MARCHF11: variants seen among roughly 807,000 people sequenced by gnomAD.
MARCHF11 encodes membrane associated ring-CH-type finger 11.
A neutral mutation model predicts 37.3 loss-of-function variants in MARCHF11; 29 were observed. That is an observed-to-expected ratio of 0.78 (90% confidence interval 0.58 to 1.06). The LOEUF is 1.06. Ranked by LOEUF, MARCHF11 falls within the 50% of genes least tolerant of loss-of-function variation. The pLI is 0.00. For missense variants in MARCHF11, 482 were observed against 533.4 expected (o/e 0.90, Z 0.95); for synonymous variants, 233 against 228.0 (o/e 1.02, Z -0.20).
intron 2 of MARCHF11, among the ~76,000 whole-genome samples, chr5:16,176,087 G>A (rs1738348539): frequency 6.9e-6 from 1 of 143,968 alleles, no homozygotes; most frequent in Non-Finnish European, 1.5e-5. Flanking sequence ...ATTAAAATTA[G>A]TAAATAGTAT....
chr5:16,129,649 C>T (rs1043277253), intron 2 of MARCHF11, among the ~76,000 whole-genome samples: 2 of 152,098 alleles, frequency 1.3e-5, no homozygotes, highest in African/African-American at 4.8e-5. Context: ...TTTATTTCTA[C>T]ATTGAGTTTT....
intron 2 of MARCHF11, among the ~76,000 whole-genome samples, chr5:16,105,136 A>T (rs1196014800): frequency 6.6e-6 from 1 of 152,174 alleles, no homozygotes; most frequent in Non-Finnish European, 1.5e-5. Context: ...TGCCCCACCC[A>T]TCTCCCAGTT....
chr5:16,130,732 A>G (rs1382719877), intron 2 of MARCHF11, among the ~76,000 whole-genome samples: 1 of 152,208 alleles, frequency 6.6e-6, no homozygotes, highest in Non-Finnish European at 1.5e-5. Flanking sequence ...TTTTTGGGGT[A>G]GAAGACAAAT....
chr5:16,099,882 A>G (rs1049702752), intron 2 of MARCHF11, among the ~76,000 whole-genome samples: 7 of 152,192 alleles, frequency 4.6e-5, no homozygotes, highest in African/African-American at 1.7e-4. Flanking sequence ...ACAGAAAAGC[A>G]GAGAGGTGGG....
At chr5:16,068,647 T>G (rs1284431058) in intron 3 of MARCHF11, among the ~76,000 whole-genome samples, 1 of 152,210 alleles carries the variant, frequency 6.6e-6, no homozygotes. Context: ...CAGGATGCAC[T>G]AGCACATGTG....
At chr5:16,126,349 T>A (rs920756307) in intron 2 of MARCHF11, among the ~76,000 whole-genome samples, 6 of 152,218 alleles carry the variant, frequency 3.9e-5, no homozygotes, top group African/African-American at 9.6e-5. Context: ...ATGTATCATA[T>A]AAATGCCACT....
In MARCHF11 at chr5:16,168,498, G is replaced by A. The variant is rs190989049; in HGVS notation, c.693+9228C>T. 9.9e-5 allele frequency among the ~76,000 whole-genome samples: 15 copies of A among 152,266 alleles called. No individual in the cohort carries two copies. The East Asian group carries it at 2.7e-3, about 27-fold the overall frequency. ...AATTTAATAGAAGCGATGGTAGTAT[G>A]ACTGAGAGAGACCACTGTGAAAGCA... On this transcript the variant is annotated intron_variant, in intron 2 of 3. Coordinates refer to ENST00000332432, the MANE Select transcript of MARCHF11 (RefSeq NM_001102562.3).
chr5:16,080,686 T>A (rs1255479060), intron 3 of MARCHF11, among the ~76,000 whole-genome samples: 1 of 152,140 alleles, frequency 6.6e-6, no homozygotes, highest in African/African-American at 2.4e-5. Context: ...ACCCCTTCCA[T>A]CCTGCCTCCA....
In MARCHF11 at chr5:16,167,027, T is replaced by A. The variant is rs1312200273; in HGVS notation, c.693+10699A>T. 4.9e-5 allele frequency among the ~76,000 whole-genome samples: 4 copies of A among 81,584 alleles called. No individual in the cohort carries two copies. The South Asian group carries it at 1.7e-3, about 36-fold the overall frequency. 53.5% of individuals were successfully genotyped at this position (81,584 alleles called of 152,430 possible). A position where few individuals can be genotyped will look rare whatever the true frequency, so the allele number is the denominator to read the frequency against. On this transcript the variant is annotated intron_variant, in intron 2 of 3. Coordinates refer to ENST00000332432, the MANE Select transcript of MARCHF11 (RefSeq NM_001102562.3). ...ACTTATGAACATACAACGATGTTCA[T>A]TTACTTATGTCCCAACATTACCCCA...
Position 16,179,594 on chromosome 5 carries a change from C to A in MARCHF11, c.-19G>T. 8.5e-7 allele frequency: 1 copy of A among 1,176,360 alleles called. No individual in the cohort carries two copies. Among genetic ancestry groups the A allele is most frequent in the South Asian group, 4.2e-5 (1 of 23,698 alleles). 72.9% of individuals were successfully genotyped at this position (1,176,360 alleles called of 1,614,324 possible). ...AGCTCATGGTTGTGCCGCCGCCGCC[C>A]TCCTGCCGGCCCGGCTGGCGGGCCG... On this transcript the variant is annotated 5_prime_UTR_variant, in exon 1 of 4. In the 5' UTR this introduces an upstream ATG that the reference lacks. Transcript: ENST00000332432.
intron 2 of MARCHF11, among the ~76,000 whole-genome samples, chr5:16,163,478 T>A (rs1270239285): frequency 6.6e-6 from 1 of 152,012 alleles, no homozygotes; most frequent in Non-Finnish European, 1.5e-5. Context: ...CCTACAATAT[T>A]TGCTGATTTT....
intron 3 of MARCHF11, among the ~76,000 whole-genome samples, chr5:16,086,466 C>T (rs550431093): frequency 6.6e-5 from 10 of 152,200 alleles, no homozygotes; most frequent in South Asian, 2.1e-4. Context: ...CAAAGCAATC[C>T]GTGTTTTTAA....
At chr5:16,110,247 A>T (rs1737113854) in intron 2 of MARCHF11, among the ~76,000 whole-genome samples, 1 of 152,196 alleles carries the variant, frequency 6.6e-6, no homozygotes, top group Non-Finnish European at 1.5e-5. Context: ...AATATATACA[A>T]TTTTAAAGGT....
At position 16,179,556 on chromosome 5, in the gene MARCHF11, T is replaced by G; in HGVS notation, c.20A>C (p.His7Pro). The stretch of plus-strand genomic sequence containing the variant: ...CGCCCCGCGACACCGACTGCCGCCG[T>G]GGCCGCCCTCAAAGCTCATGGTTGT... Reference protein sequence around the residue: MSFEGGHGGSRCRGAES... With the variant: MSFEGGPGGSRCRGAES... The change falls in exon 1 of 4, where the codon CAC becomes CCC. Residue 7 changes from histidine (H) to proline (P), a missense_variant. Transcript: ENST00000332432. The G allele has an allele frequency of 8.5e-7, 1 of 1,174,542 alleles. No individual in the cohort carries two copies. 72.8% of individuals were successfully genotyped at this position (1,174,542 alleles called of 1,614,324 possible). A position where few individuals can be genotyped will look rare whatever the true frequency, so the allele number is the denominator to read the frequency against.
intron 2 of MARCHF11, among the ~76,000 whole-genome samples, chr5:16,103,331 A>G (rs998693701): frequency 6.6e-6 from 1 of 152,130 alleles, no homozygotes; most frequent in African/African-American, 2.4e-5. Context: ...ACAGACAAGG[A>G]GAAGTATGTG....
intron 2 of MARCHF11, among the ~76,000 whole-genome samples, chr5:16,138,680 G>C (rs1789459894): frequency 6.6e-6 from 1 of 152,162 alleles, no homozygotes; most frequent in Non-Finnish European, 1.5e-5. Flanking sequence ...AAAACAGCCA[G>C]GATAGGGGCT....
In MARCHF11 at chr5:16,172,598, G is replaced by T. The variant is rs1280950294; in HGVS notation, c.693+5128C>A. On this transcript the variant is annotated intron_variant, in intron 2 of 3. Transcript: ENST00000332432. Reference sequence around the variant, plus strand: ...GCAAATGTCTTGAATGATTTCAAATGACAGCATGCAATGCCAATACAGTTC... The same window carrying T: ...GCAAATGTCTTGAATGATTTCAAATTACAGCATGCAATGCCAATACAGTTC... 2.0e-5 allele frequency among the ~76,000 whole-genome samples: 3 copies of T among 152,186 alleles called. No individual in the cohort carries two copies. In the East Asian group the frequency reaches 5.8e-4, roughly 29 times the overall value.
intron 2 of MARCHF11, among the ~76,000 whole-genome samples, chr5:16,108,835 C>G (rs1737089759): frequency 6.6e-6 from 1 of 152,118 alleles, no homozygotes; most frequent in South Asian, 2.1e-4. Flanking sequence ...GCCACAGAAG[C>G]AGAGCTCTGC....
At chr5:16,168,126 T>C (rs1738200841) in intron 2 of MARCHF11, among the ~76,000 whole-genome samples, 1 of 152,108 alleles carries the variant, frequency 6.6e-6, no homozygotes, top group Non-Finnish European at 1.5e-5. Context: ...TGTTTTTACC[T>C]GAAGCTTACT....
Sources: gnomAD v4.1 joint callset for allele counts (sites outside exome capture counted in the v4.1 genomes callset) on GRCh38, gnomAD v4.1.1 for gene constraint, MANE v1.5 for transcripts, NCBI Gene and HGNC (gene_info 2026-07-23, HGNC 2026-07-21) for gene names.